The following SLC38A10 variants were observed in gnomAD, a reference collection of about 807,000 sequenced individuals.
SLC38A10 encodes solute carrier family 38 member 10, also known as Sodium-coupled neutral amino acid transporter 10.
A neutral mutation model predicts 81.0 loss-of-function variants in SLC38A10; 53 were observed. The ratio of observed to expected loss-of-function variants is 0.65; its 90% CI spans 0.53 to 0.82. The LOEUF (loss-of-function observed/expected upper bound fraction) is 0.82. Among genes scored for constraint, SLC38A10 ranks in the 40% least tolerant of loss-of-function variants. The pLI is 0.00. For synonymous variants in SLC38A10, 665 were observed against 655.3 expected (o/e 1.01, Z -0.23); for missense variants, 1,471 against 1,545.0 (o/e 0.95, Z 0.80).
At position 81,288,117 on chromosome 17, in the gene SLC38A10, G is replaced by A. The variant is rs984702530; in HGVS notation, c.217+1574C>T. Among the ~76,000 whole-genome samples, 2 of 152,224 alleles carry A rather than the reference G, an allele frequency of 1.3e-5. No homozygotes were observed. Among genetic ancestry groups the A allele is most frequent in the African/African-American group, 4.8e-5 (2 of 41,456 alleles). On this transcript the variant is annotated intron_variant, in intron 2 of 15. Transcript: ENST00000374759. The surrounding 1 kb of genome is among the most constrained non-coding windows in gnomAD (Gnocchi z 5.4). Reference sequence around the variant, plus strand: ...ATTCTCATCAGGAAGGGAGGAGAAGGAATACATCCCCTCCGGTTCTGAGGG... The same window carrying A: ...ATTCTCATCAGGAAGGGAGGAGAAGAAATACATCCCCTCCGGTTCTGAGGG...
At chr17:81,252,748 G>T in intron 12 of SLC38A10, 65 bp from the exon 13 acceptor site, 1 of 1,519,140 alleles carries the variant, frequency 6.6e-7, no homozygotes, top group South Asian at 1.3e-5. Context: ...CAGGGAATTA[G>T]AACTGGGTTC....
At chr17:81,257,453 A>G (rs564840855) in intron 11 of SLC38A10, among the ~76,000 whole-genome samples, 11 of 152,028 alleles carry the variant, frequency 7.2e-5, no homozygotes, top group African/African-American at 2.4e-4. Flanking sequence ...TCCTCTTATA[A>G]TTTTGTGTCA....
At chr17:81,250,008 C>T (rs1016894458) in intron 14 of SLC38A10, 54 of 1,268,784 alleles carry the variant, frequency 4.3e-5, no homozygotes, top group Middle Eastern at 2.2e-4. Flanking sequence ...CGAGGGGCTG[C>T]GCTCAGGTCT....
intron 10 of SLC38A10, among the ~76,000 whole-genome samples, chr17:81,268,453 T>C (rs182221870): frequency 6.6e-6 from 1 of 152,170 alleles, no homozygotes; most frequent in East Asian, 1.9e-4. Context: ...TTGCCCAGGC[T>C]GGAGTGCAGT....
rs2062857978 is a variant in SLC38A10 at position 81,246,952 on chromosome 17, C to T, written c.2175G>A (p.Val725=). The T allele has an allele frequency of 6.2e-7, 1 of 1,607,672 alleles. No individual in the cohort carries two copies. The highest frequency in any genetic ancestry group is 8.5e-7 in the Non-Finnish European group (1 of 1,179,650). The part of the protein sequence containing the change: ...LLDQQEKLLA[V]IEEQHKEIHQ... ...GGATCTCCTTGTGCTGCTCCTCGAT[C>T]ACCGCCAGCAGCTTCTCCTGCTGGT... The change falls in exon 15 of 16, where the codon GTG becomes GTA. Residue 725 remains valine, a synonymous_variant. Transcript: ENST00000374759.
intron 14 of SLC38A10, chr17:81,250,761 A>C: frequency 1.1e-6 from 1 of 911,450 alleles, no homozygotes; most frequent in Non-Finnish European, 1.3e-6. Context: ...GACATGGCAC[A>C]GAAGCCTGTC....
At chr17:81,262,207 C>T (rs1372440046) in intron 10 of SLC38A10, among the ~76,000 whole-genome samples, 3 of 152,236 alleles carry the variant, frequency 2.0e-5, no homozygotes, top group Non-Finnish European at 1.5e-5. Flanking sequence ...AAGGCCTTGC[C>T]TCTTACAGCC....
intron 13 of SLC38A10, 114 bp from the exon 14 acceptor site, chr17:81,251,726 G>C: frequency 1.7e-6 from 2 of 1,170,754 alleles, no homozygotes. Flanking sequence ...TGTTTCTAAA[G>C]TGACACCCCC....
chr17:81,284,296 G>C (rs2063243711), intron 3 of SLC38A10, among the ~76,000 whole-genome samples: 1 of 152,098 alleles, frequency 6.6e-6, no homozygotes, highest in Non-Finnish European at 1.5e-5. Flanking sequence ...AGGTTGCAGT[G>C]AGCCGAGATC....
At chr17:81,247,155 G>T in intron 14 of SLC38A10, 94 bp from the exon 15 acceptor site, 2 of 1,317,666 alleles carry the variant, frequency 1.5e-6, no homozygotes, top group Non-Finnish European at 2.0e-6. Context: ...CAACGCACAG[G>T]TCACCTGCAG....
rs1415459157 is a variant in SLC38A10 at position 81,246,643 on chromosome 17, A to C, written c.2273T>G (p.Val758Gly). ...TTCAGGGGCCTCCTGGCCTCTGGGC[A>C]CCGCTGCCCCGGGCTCTTGATGCAC... The part of the protein sequence containing the change: ...VEVHQEPGAA[V>G]PRGQEAPEGK... Residue 758 changes from valine (V) to glycine (G), a missense_variant, in exon 16 of 16, where the codon GTG becomes GGG. Physicochemically the swap from Val to Gly is moderately radical, Grantham distance 109. Transcript: ENST00000374759. 6.6e-7 allele frequency: 1 copy of C among 1,510,886 alleles called. No individual in the cohort carries two copies. Among genetic ancestry groups the C allele is most frequent in the East Asian group, 2.3e-5 (1 of 43,408 alleles). The allele number at this position is 1,510,886 out of a possible 1,614,324, so 93.6% of individuals were successfully genotyped here.
At position 81,253,113 on chromosome 17, in the gene SLC38A10, C is replaced by T. The variant is rs763815895; in HGVS notation, c.1416G>A (p.Lys472=). The change falls in exon 12 of 16, where the codon AAG becomes AAA. Residue 472 remains lysine, a synonymous_variant. Transcript: ENST00000374759. This position sits in a 1 kb window ranked among gnomAD's most constrained non-coding sequence, Gnocchi z 4.1. The part of the protein sequence containing the change: ...PVDVPGREDG[K]EAPEEAQLDR... ...CGAGCTGTGCCTCCTCCGGTGCCTCCTTGCCATCTTCCCGTCCAGGCACAT... is the reference window on the plus strand; with the variant it reads ...CGAGCTGTGCCTCCTCCGGTGCCTCTTTGCCATCTTCCCGTCCAGGCACAT... The T allele has an allele frequency of 3.1e-6, 5 of 1,613,728 alleles. No homozygotes were observed. The South Asian group carries it at 3.3e-5, about 11-fold the overall frequency.
chr17:81,251,962 C>T, intron 13 of SLC38A10: 1 of 660,696 alleles, frequency 1.5e-6, no homozygotes, highest in South Asian at 2.7e-5. Context: ...CAGCGCGGCA[C>T]CTGACATTTA....
At position 81,245,112 on chromosome 17, in the gene SLC38A10, G is replaced by GGC. The variant is rs1235140725; in HGVS notation, c.*442_*443dup. The stretch of plus-strand genomic sequence containing the variant: ...CACTGCAAGCGTGGGGTTGGATGCT[G>GGC]GCTCTCACAGTAGCCTGTGTTGGGA... On this transcript the variant is annotated 3_prime_UTR_variant, in exon 16 of 16. Coordinates refer to ENST00000374759, the MANE Select transcript of SLC38A10 (RefSeq NM_001037984.3). The GGC allele has an allele frequency of 1.7e-5, 3 of 175,834 alleles. No individual in the cohort carries two copies. The highest frequency in any genetic ancestry group is 6.1e-5 in the Admixed American group (1 of 16,262). 10.9% of individuals were successfully genotyped at this position (175,834 alleles called of 1,614,324 possible).
At chr17:81,292,586 G>A (rs566862807) in intron 1 of SLC38A10, among the ~76,000 whole-genome samples, 5 of 152,298 alleles carry the variant, frequency 3.3e-5, no homozygotes, top group African/African-American at 7.2e-5. Flanking sequence ...TGGAGGAGAC[G>A]CTGCGGCCAG....
At chr17:81,256,874 G>A (rs1434605685) in intron 11 of SLC38A10, among the ~76,000 whole-genome samples, 2 of 152,334 alleles carry the variant, frequency 1.3e-5, no homozygotes, top group Non-Finnish European at 2.9e-5. Context: ...CCTGGTACCC[G>A]GGTGTCTGGG....
At chr17:81,254,350 G>C (rs2062953260) in intron 11 of SLC38A10, among the ~76,000 whole-genome samples, 1 of 152,248 alleles carries the variant, frequency 6.6e-6, no homozygotes, top group African/African-American at 2.4e-5. Context: ...TTGGAGTTGA[G>C]AGTCCTAGAC....
rs747710369 is a variant in SLC38A10, at chr17:81,251,388, G to A, written c.2065+105C>T. ...GCAGGCGGCTGGAAAGAGAAGGGGGGCCTGGCAGGGCTCCCGAGGATGACC... is the reference window on the plus strand; with the variant it reads ...GCAGGCGGCTGGAAAGAGAAGGGGGACCTGGCAGGGCTCCCGAGGATGACC... On this transcript the variant is annotated intron_variant, in intron 14 of 15. Transcript: ENST00000374759. The A allele has an allele frequency of 1.1e-5, 17 of 1,611,946 alleles. 1 individual carries two copies. Among genetic ancestry groups the A allele is most frequent in the South Asian group, 4.4e-5 (4 of 90,968 alleles).
chr17:81,293,342 G>GC (rs1432260179), intron 1 of SLC38A10, among the ~76,000 whole-genome samples: 2 of 152,258 alleles, frequency 1.3e-5, no homozygotes, highest in African/African-American at 4.8e-5. Context: ...ACCAGATGCT[G>GC]CCCGGGGGGC....
Sources: gnomAD v4.1 joint callset for allele counts (sites outside exome capture counted in the v4.1 genomes callset) on GRCh38, gnomAD v4.1.1 for gene constraint, Gnocchi (gnomAD v3.1) non-coding constraint, MANE v1.5 for transcripts, NCBI Gene and HGNC (gene_info 2026-07-23, HGNC 2026-07-21) for gene names.